Variants in ARAP1 observed in about 807,000 individuals in gnomAD.
The protein encoded by ARAP1 is arf-GAP with Rho-GAP domain, ANK repeat and PH domain-containing protein 1.
A neutral mutation model predicts 172.2 loss-of-function variants in ARAP1; 76 were observed. The observed-to-expected ratio is 0.44, with a 90% CI of 0.37 to 0.53. The LOEUF (loss-of-function observed/expected upper bound fraction) is 0.53. Among genes scored for constraint, ARAP1 ranks in the 20% least tolerant of loss-of-function variants. The probability of loss-of-function intolerance (pLI) is 0.00; values close to 1 mark genes in which losing one functional copy is unlikely to be tolerated. For synonymous variants in ARAP1, 804 were observed against 803.3 expected, an observed-to-expected ratio of 1.00 and a Z score of -0.01; for missense variants, 1,686 against 1,977.5, an observed-to-expected ratio of 0.85 and a Z score of 2.80.
rs71469440 is a variant in ARAP1 at position 72,713,846 on chromosome 11, CAAAAAAA to C, written c.679+299_679+305del. 7.4e-4 allele frequency among the ~76,000 whole-genome samples: 60 copies of C among 81,486 alleles called. 1 individual carries two copies. Among genetic ancestry groups the C allele is most frequent in the Non-Finnish European group, 1.3e-3 (48 of 37,598 alleles). The allele number at this position is 81,486 out of a possible 152,430, so 53.5% of individuals were successfully genotyped here. ...TGGGCGACAGAGCGAGACTCCATCT[CAAAAAAA>C]AAAAAAAAAAAGAAAAGCAAACCAC... On this transcript the variant is annotated intron_variant, in intron 4 of 34. Transcript: ENST00000393609.
At chr11:72,705,690 T>C (rs1474826380) in intron 13 of ARAP1, 115 bp downstream of exon 13, 5 of 1,132,822 alleles carry the variant, frequency 4.4e-6, no homozygotes, top group African/African-American at 1.6e-5. Flanking sequence ...TCACAAAGGG[T>C]CTCTTCCAGC....
Position 72,693,627 on chromosome 11 carries a change from G to C in ARAP1, c.3808+65C>G, listed in dbSNP as rs1161648455. 3.9e-6 allele frequency: 6 copies of C among 1,539,794 alleles called. No individual in the cohort carries two copies. The South Asian group carries it at 6.1e-5, about 16-fold the overall frequency. On this transcript the variant is annotated intron_variant, in intron 28 of 34. Coordinates refer to ENST00000393609, the MANE Select transcript of ARAP1 (RefSeq NM_001040118.3). This position sits in a 1 kb window ranked among gnomAD's most constrained non-coding sequence, Gnocchi z 4.6. ...GAGCTGTTCCTACCTGGCACCACCA[G>C]GTCCCACCCTGGCTCTGGAAGAGAG...
chr11:72,711,598 GC>G, intron 7 of ARAP1, 99 bp from the exon 8 acceptor site: 1 of 1,024,146 alleles, frequency 9.8e-7, no homozygotes, highest in Non-Finnish European at 1.5e-6. Flanking sequence ...GTGAGGATCA[GC>G]CAGGTTCTAG....
chr11:72,708,581 G>A (rs1430453035), intron 11 of ARAP1: 1 of 156,842 alleles, frequency 6.4e-6, no homozygotes, highest in Non-Finnish European at 1.4e-5. Context: ...TAAAAACTTA[G>A]CTCTCAAATA....
chr11:72,697,257 G>A (rs1350373836), intron 21 of ARAP1, 62 bp from the exon 22 acceptor site: 2 of 1,583,080 alleles, frequency 1.3e-6, no homozygotes, highest in Non-Finnish European at 1.7e-6. Context: ...GCGGGGCCGC[G>A]CAGCTCTGGG....
At position 72,736,239 on chromosome 11, in the gene ARAP1, C is replaced by CTTTT. The variant is rs61233618; in HGVS notation, c.-127-3646_-127-3643dup. On this transcript the variant is annotated intron_variant, in intron 1 of 34. Transcript: ENST00000393609. Reference sequence around the variant, plus strand: ...GTTATTGCTTTTACATTTTAGTTACCTTTTTTTTTTTTTTTTTGAGACAGG... The same window carrying CTTTT: ...GTTATTGCTTTTACATTTTAGTTACCTTTTTTTTTTTTTTTTTTTTTGAGACAGG... 9.1e-5 allele frequency among the ~76,000 whole-genome samples: 12 copies of CTTTT among 132,372 alleles called. 1 individual carries two copies. In the East Asian group the frequency reaches 1.1e-3, roughly 12 times the overall value. The allele number at this position is 132,372 out of a possible 152,430, so 86.8% of individuals were successfully genotyped here. A position where few individuals can be genotyped will look rare whatever the true frequency, so the allele number is the denominator to read the frequency against.
chr11:72,690,226 G>A (rs556782034), intron 30 of ARAP1, among the ~76,000 whole-genome samples: 43 of 152,206 alleles, frequency 2.8e-4, no homozygotes, highest in African/African-American at 9.4e-4. Context: ...CCAGTCAGGC[G>A]CAGAGGCAAC....
At chr11:72,738,300 G>T (rs544535852) in intron 1 of ARAP1, among the ~76,000 whole-genome samples, 1 of 152,278 alleles carries the variant, frequency 6.6e-6, no homozygotes, top group Admixed American at 6.5e-5. Context: ...TGACCGTGTG[G>T]GTGTGGCTCT....
In ARAP1 at chr11:72,693,062, C is replaced by G. The variant is rs540402825; in HGVS notation, c.3954+263G>C. ...TTCCTGTGGATGCAGTGATAAGGCACAGGCACAGTGAGACAGAGCATGGGC... is the reference window on the plus strand; with the variant it reads ...TTCCTGTGGATGCAGTGATAAGGCAGAGGCACAGTGAGACAGAGCATGGGC... On this transcript the variant is annotated intron_variant, in intron 29 of 34. Transcript: ENST00000393609. The surrounding 1 kb of genome is among the most constrained non-coding windows in gnomAD (Gnocchi z 4.6). 2 of 648,034 alleles carry G rather than the reference C, an allele frequency of 3.1e-6. No individual in the cohort carries two copies. Among genetic ancestry groups the G allele is most frequent in the Admixed American group, 5.2e-5 (2 of 38,152 alleles). 40.1% of individuals were successfully genotyped at this position (648,034 alleles called of 1,614,324 possible). A position where few individuals can be genotyped will look rare whatever the true frequency, so the allele number is the denominator to read the frequency against.
rs1355764972 is a variant in ARAP1, at chr11:72,697,600, C to T, written c.2787G>A (p.Arg929=). ...ENQVLVLVER[R]RTLYIQGERR... ...CCCTCAGGGAGGCCGTGGCTCACCT[C>T]CTTCGCTCCACCAGCACCAGCACCT... Residue 929 remains arginine, a splice_region_variant and synonymous_variant, in exon 20 of 35, where the codon AGG becomes AGA. Coordinates refer to ENST00000393609, the MANE Select transcript of ARAP1 (RefSeq NM_001040118.3). 3.7e-6 allele frequency: 6 copies of T among 1,614,036 alleles called. No individual in the cohort carries two copies. Among genetic ancestry groups the T allele is most frequent in the African/African-American group, 1.3e-5 (1 of 74,934 alleles).
chr11:72,705,676 A>C, intron 13 of ARAP1, 129 bp downstream of exon 13: 1 of 977,632 alleles, frequency 1.0e-6, no homozygotes, highest in East Asian at 2.9e-5. Context: ...CACCCACTAG[A>C]TTATCACAAA....
chr11:72,718,087 G>A (rs533011765), intron 3 of ARAP1, among the ~76,000 whole-genome samples: 1 of 152,296 alleles, frequency 6.6e-6, no homozygotes, highest in East Asian at 1.9e-4. Context: ...TGGAACACAG[G>A]GGCCTCTCGG....
chr11:72,697,062 C>A lies in ARAP1; in HGVS notation c.3087G>T (p.Ser1029=), dbSNP rs1239812666. 2 of 1,610,310 alleles carry A rather than the reference C, an allele frequency of 1.2e-6. No individual in the cohort carries two copies. Among genetic ancestry groups the A allele is most frequent in the Non-Finnish European group, 1.7e-6 (2 of 1,179,926 alleles). ...GGTCGCGCAGGAAGCGCTTGAGCGC[C>A]GAGGAAACATCATCCACGTGCTGCT... ...EGEQHVDDVS[S]ALKRFLRDLP... Residue 1029 remains serine, a synonymous_variant, in exon 22 of 35, where the codon TCG becomes TCT. Coordinates refer to ENST00000393609, the MANE Select transcript of ARAP1 (RefSeq NM_001040118.3).
chr11:72,703,316 G>C, intron 14 of ARAP1: 1 of 402,188 alleles, frequency 2.5e-6, no homozygotes, highest in South Asian at 4.8e-5. Context: ...CCAGCTGCCC[G>C]GGGCCTCACC....
Position 72,693,009 on chromosome 11 carries a change from C to G in ARAP1, c.3955-224G>C. 3.1e-6 allele frequency: 2 copies of G among 649,768 alleles called. No homozygotes were observed. The highest frequency in any genetic ancestry group is 2.7e-5 in the East Asian group (1 of 36,550). 40.3% of individuals were successfully genotyped at this position (649,768 alleles called of 1,614,324 possible). A position where few individuals can be genotyped will look rare whatever the true frequency, so the allele number is the denominator to read the frequency against. The stretch of plus-strand genomic sequence containing the variant: ...TACGATATGACAAGGCATGCATGCA[C>G]AACTTGGGGCTGTCATCAAGTAACA... On this transcript the variant is annotated intron_variant, in intron 29 of 34. Coordinates refer to ENST00000393609, the MANE Select transcript of ARAP1 (RefSeq NM_001040118.3). This position sits in a 1 kb window ranked among gnomAD's most constrained non-coding sequence, Gnocchi z 4.6.
chr11:72,733,759 C>T (rs1591240134), intron 1 of ARAP1, among the ~76,000 whole-genome samples: 1 of 152,346 alleles, frequency 6.6e-6, no homozygotes, highest in South Asian at 2.1e-4. Context: ...TTATCTTAAG[C>T]AAACTCCATG....
rs760222163 is a variant in ARAP1, at chr11:72,707,264, G to A, written c.1634C>T (p.Ala545Val). The stretch of plus-strand genomic sequence containing the variant: ...GCAGTCAGCACAGAACCTGTTGGGG[G>A]CTGCAGCCCAGATGCGCTCGGCCAC... The part of the protein sequence containing the change: ...SEVAERIWAA[A>V]PNRFCADCGA... Residue 545 changes from alanine (A) to valine (V), a missense_variant, in exon 12 of 35, where the codon GCC becomes GTC. Transcript: ENST00000393609. 15 of 1,613,018 alleles carry A rather than the reference G, an allele frequency of 9.3e-6. No homozygotes were observed. The highest frequency in any genetic ancestry group is 8.8e-5 in the South Asian group (8 of 90,816).
chr11:72,745,355 A>ATT (rs35656290), intron 1 of ARAP1, among the ~76,000 whole-genome samples: 178 of 110,722 alleles, frequency 1.6e-3, no homozygotes, highest in East Asian at 2.7e-3. Flanking sequence ...CGTCCGGCTA[A>ATT]TTTTTTTTTT....
intron 21 of ARAP1, 53 bp downstream of exon 21, chr11:72,697,270 G>A (rs1253914375): frequency 1.4e-5 from 23 of 1,586,576 alleles, no homozygotes; most frequent in Admixed American, 3.5e-5. Flanking sequence ...GCTCTGGGGC[G>A]GGAGGCGGCT....
Sources: allele counts gnomAD v4.1 joint callset (sites outside exome capture counted in the v4.1 genomes callset), GRCh38; gene constraint gnomAD v4.1.1; non-coding constraint Gnocchi (gnomAD v3.1); transcripts MANE v1.5; gene names NCBI Gene and HGNC (gene_info 2026-07-23, HGNC 2026-07-21).